Variants in URGCP observed in about 807,000 individuals in gnomAD.
URGCP encodes the protein upregulator of cell proliferation, also known as up-regulator of cell proliferation.
A neutral mutation model predicts 24.6 loss-of-function variants in URGCP; 13 were observed. That is an observed-to-expected ratio of 0.53 (90% CI 0.34 to 0.84). URGCP has a LOEUF of 0.84. URGCP is among the 40% of genes least tolerant of loss of function. The probability of loss-of-function intolerance (pLI) is 0.01; values close to 1 mark genes in which losing one functional copy is unlikely to be tolerated. For missense variants in URGCP, 899 were observed against 1,194.3 expected (o/e 0.75, Z 3.64); for synonymous variants, 444 against 487.2 (o/e 0.91, Z 1.17).
chr7:43,926,483 G>T, upstream of URGCP: 2 of 1,449,530 alleles, frequency 1.4e-6, no homozygotes, highest in African/African-American at 2.9e-5. Flanking sequence ...GCAGCGGGCC[G>T]CCTCAGGCAG....
intron 1 of URGCP, among the ~76,000 whole-genome samples, chr7:43,914,138 T>C (rs1321019174): frequency 6.6e-6 from 1 of 151,976 alleles, no homozygotes; most frequent in East Asian, 1.9e-4. Flanking sequence ...GTACTACAGG[T>C]GCTTGCCACC....
chr7:43,899,070 G>T (rs944815628), intron 1 of URGCP, among the ~76,000 whole-genome samples: 1 of 149,580 alleles, frequency 6.7e-6, no homozygotes, highest in East Asian at 1.9e-4. Flanking sequence ...GGAGGCGGAG[G>T]TTGCAGTGAG....
chr7:43,891,321 ATACAGG>A lies in URGCP; in HGVS notation c.15-3511_15-3506del, dbSNP rs548090980. 2.3e-4 allele frequency among the ~76,000 whole-genome samples: 35 copies of A among 152,364 alleles called. No homozygotes were observed. The East Asian group carries it at 4.8e-3, about 21-fold the overall frequency. ...TCTGAACAAGGTGAGCACCAGACAAATACAGGTACAATTACTCACTGTATTATAATC... is the reference window on the plus strand; with the variant it reads ...TCTGAACAAGGTGAGCACCAGACAAATACAATTACTCACTGTATTATAATC... On this transcript the variant is annotated intron_variant, in intron 1 of 5. Coordinates refer to ENST00000453200, the MANE Select transcript of URGCP (RefSeq NM_001077663.3).
chr7:43,917,742 A>C (rs2095916987), intron 1 of URGCP, among the ~76,000 whole-genome samples: 1 of 152,080 alleles, frequency 6.6e-6, no homozygotes, highest in African/African-American at 2.4e-5. Flanking sequence ...ATTTAAAAGG[A>C]TTTTCTTGGC....
intron 1 of URGCP, among the ~76,000 whole-genome samples, chr7:43,918,278 A>G (rs548364921): frequency 2.0e-3 from 300 of 151,394 alleles, no homozygotes; most frequent in East Asian, 5.8e-3. Flanking sequence ...AAAAAAAAAA[A>G]AAAGAAAGAA....
In URGCP at chr7:43,915,024, C is replaced by A. The variant is rs549394520; in HGVS notation, c.-116+11108G>T. Among the ~76,000 whole-genome samples, 18 of 152,318 alleles carry A rather than the reference C, an allele frequency of 1.2e-4. No homozygotes were observed. In the East Asian group the frequency reaches 2.7e-3, roughly 23 times the overall value. The stretch of plus-strand genomic sequence containing the variant: ...GGGGGTGGAGCCACCAGGAATTCAC[C>A]CCTTATGCTGGGAGAGGAGCCTGGC... On this transcript the variant is annotated intron_variant, in intron 1 of 5. Transcript: ENST00000426198.
chr7:43,879,323 A>T (rs2095850524), intron 5 of URGCP, 63 bp from the exon 6 acceptor site: 1 of 1,523,126 alleles, frequency 6.6e-7, no homozygotes, highest in South Asian at 1.3e-5. Context: ...GCCAGGGAAG[A>T]GCTGGTGAAG....
intron 1 of URGCP, chr7:43,919,814 G>A (rs1439310575): frequency 7.8e-7 from 1 of 1,274,226 alleles, no homozygotes; most frequent in African/African-American, 1.5e-5. Context: ...TGGCCCACCG[G>A]GTCAGTGGGC....
chr7:43,906,537 G>A (rs970563459), intron 1 of URGCP, 25 bp downstream of exon 1: 23 of 1,222,290 alleles, frequency 1.9e-5, no homozygotes, highest in Middle Eastern at 6.4e-4. Flanking sequence ...CCGCGGGGGC[G>A]CAGGGCCTGC....
At chr7:43,914,538 G>A (rs553840447) in intron 1 of URGCP, among the ~76,000 whole-genome samples, 1 of 152,220 alleles carries the variant, frequency 6.6e-6, no homozygotes, top group Non-Finnish European at 1.5e-5. Context: ...TTATGTGTCA[G>A]TGTGGATCTC....
intron 3 of URGCP, among the ~76,000 whole-genome samples, chr7:43,883,364 T>TATATATATATATATATATATATATA (rs1562575266): frequency 1.1e-5 from 1 of 91,522 alleles, no homozygotes. Context: ...ATATATATAT[T>TATATATATATATATATATATATATA]TTTTTTTTTT....
chr7:43,920,125 C>A, intron 1 of URGCP: 1 of 793,388 alleles, frequency 1.3e-6, no homozygotes, highest in Non-Finnish European at 2.1e-6. Flanking sequence ...ACTGACCACT[C>A]ACTTAGAGCA....
At chr7:43,899,239 TA>T (rs1160345837) in intron 1 of URGCP, among the ~76,000 whole-genome samples, 5 of 147,312 alleles carry the variant, frequency 3.4e-5, no homozygotes, top group African/African-American at 1.2e-4. Context: ...ATATATATAA[TA>T]AAAAATGTTT....
At chr7:43,891,119 G>C (rs1489600020) in intron 1 of URGCP, among the ~76,000 whole-genome samples, 1 of 152,120 alleles carries the variant, frequency 6.6e-6, no homozygotes, top group East Asian at 1.9e-4. Context: ...TTGTTTTTCT[G>C]CTGACCTACC....
chr7:43,904,588 G>C (rs1014755732), intron 1 of URGCP, among the ~76,000 whole-genome samples: 1 of 152,204 alleles, frequency 6.6e-6, no homozygotes, highest in Non-Finnish European at 1.5e-5. Context: ...TGATCTACCA[G>C]GGAAGCCTGT....
chr7:43,896,719 A>G (rs1298249329), intron 1 of URGCP, among the ~76,000 whole-genome samples: 1 of 152,190 alleles, frequency 6.6e-6, no homozygotes, highest in Non-Finnish European at 1.5e-5. Flanking sequence ...AACAGTAAAC[A>G]AACAAAAAAC....
At chr7:43,915,417 C>T (rs1333640539) in intron 1 of URGCP, among the ~76,000 whole-genome samples, 20 of 152,230 alleles carry the variant, frequency 1.3e-4, no homozygotes, top group Admixed American at 1.3e-3. Flanking sequence ...CTGGGAATGT[C>T]AGCCTTGGTC....
At position 43,882,088 on chromosome 7, in the gene URGCP, A is replaced by T; in HGVS notation, c.113-131T>A. The T allele has an allele frequency of 2.7e-6, 4 of 1,471,844 alleles. No homozygotes were observed. The East Asian group carries it at 7.0e-5, about 26-fold the overall frequency. 91.2% of individuals were successfully genotyped at this position (1,471,844 alleles called of 1,614,324 possible). On this transcript the variant is annotated intron_variant, in intron 3 of 5. Transcript: ENST00000453200. Reference sequence around the variant, plus strand: ...CTGAACAAGAGGAGTGCTTGAGTCCAGGAGTTTGAGACCAGCCTGGGCAAC... The same window carrying T: ...CTGAACAAGAGGAGTGCTTGAGTCCTGGAGTTTGAGACCAGCCTGGGCAAC...
At chr7:43,892,988 A>G (rs2095873216) in intron 1 of URGCP, among the ~76,000 whole-genome samples, 1 of 152,250 alleles carries the variant, frequency 6.6e-6, no homozygotes, top group East Asian at 1.9e-4. Flanking sequence ...AAAACCGGAC[A>G]TTCCAGCCTG....
Sources: gnomAD v4.1 joint callset for allele counts (sites outside exome capture counted in the v4.1 genomes callset) on GRCh38, gnomAD v4.1.1 for gene constraint, MANE v1.5 for transcripts, NCBI Gene and HGNC (gene_info 2026-07-23, HGNC 2026-07-21) for gene names.